The following ZNF235 variants were observed in gnomAD, a reference collection of about 807,000 sequenced individuals.
ZNF235 encodes the protein zfp-93.
A neutral mutation model predicts 29.4 loss-of-function variants in ZNF235; 25 were observed. That is an observed-to-expected ratio of 0.85 (90% confidence interval 0.62 to 1.19). The LOEUF is 1.19. Among genes scored for constraint, ZNF235 ranks in the 50% most tolerant of loss-of-function variants. The pLI is 0.00. For synonymous variants in ZNF235, 300 were observed against 295.3 expected, an observed-to-expected ratio of 1.02 and a Z score of -0.16; for missense variants, 788 against 885.0, an observed-to-expected ratio of 0.89 and a Z score of 1.39.
intron 1 of ZNF235, among the ~76,000 whole-genome samples, chr19:44,304,421 A>G (rs1392130250): frequency 6.6e-6 from 1 of 152,180 alleles, no homozygotes; most frequent in African/African-American, 2.4e-5. Context: ...AGAGGCTAGA[A>G]AAGTCCAAGA....
At chr19:44,293,595 A>G (rs1384275799) in intron 4 of ZNF235, among the ~76,000 whole-genome samples, 2 of 152,116 alleles carry the variant, frequency 1.3e-5, no homozygotes, top group African/African-American at 4.8e-5. Context: ...TTTACAGAAC[A>G]TTCTATCCAA....
chr19:44,299,807 G>A (rs748351014), intron 2 of ZNF235, 75 bp from the exon 3 acceptor site: 12 of 1,606,642 alleles, frequency 7.5e-6, no homozygotes, highest in Non-Finnish European at 1.0e-5. Flanking sequence ...TTTCTGTAGA[G>A]TTACTATTCT....
rs1470991593 is a variant in ZNF235 at position 44,286,670 on chromosome 19, T to C, written c.*548A>G. 3 of 152,344 alleles carry C rather than the reference T, an allele frequency of 2.0e-5. No homozygotes were observed. Among genetic ancestry groups the C allele is most frequent in the African/African-American group, 4.8e-5 (2 of 41,460 alleles). 9.4% of individuals were successfully genotyped at this position (152,344 alleles called of 1,614,324 possible). Reference sequence around the variant, plus strand: ...AACGTTATTAAGGCTACTTGCAGGATTCCTTTTGAATATAAATTAATATAA... The same window carrying C: ...AACGTTATTAAGGCTACTTGCAGGACTCCTTTTGAATATAAATTAATATAA... On this transcript the variant is annotated 3_prime_UTR_variant, in exon 5 of 5. Coordinates refer to ENST00000291182, the MANE Select transcript of ZNF235 (RefSeq NM_004234.4).
chr19:44,301,924 G>A (rs1304678077), intron 2 of ZNF235, among the ~76,000 whole-genome samples: 3 of 152,108 alleles, frequency 2.0e-5, no homozygotes, highest in South Asian at 4.1e-4. Context: ...GCTGTTCCAT[G>A]GTGCAAATTC....
intron 4 of ZNF235, among the ~76,000 whole-genome samples, chr19:44,298,491 G>C (rs535901145): frequency 1.1e-4 from 16 of 152,004 alleles, no homozygotes; most frequent in African/African-American, 3.9e-4. Flanking sequence ...CGCCTCCCAG[G>C]TTCAAGCAAT....
In ZNF235 at chr19:44,299,678, G is replaced by C; in HGVS notation, c.70C>G (p.Leu24Val). The C allele has an allele frequency of 6.2e-7, 1 of 1,614,148 alleles. No homozygotes were observed. The highest frequency in any genetic ancestry group is 1.1e-5 in the South Asian group (1 of 91,072). The change falls in exon 3 of 5, where the codon CTG becomes GTG. Residue 24 changes from leucine (L) to valine (V), a missense_variant. Coordinates refer to ENST00000291182, the MANE Select transcript of ZNF235 (RefSeq NM_004234.4). Reference sequence around the variant, plus strand: ...AGCTTCCTCTGGGCAGAGTCCAGCAGCCCCAGCTCCTCCTCAGTGAAGGCC... The same window carrying C: ...AGCTTCCTCTGGGCAGAGTCCAGCACCCCCAGCTCCTCCTCAGTGAAGGCC... ...AVAFTEEELG[L>V]LDSAQRKLYR...
Position 44,287,010 on chromosome 19 carries a change from A to G in ZNF235, c.*208T>C, listed in dbSNP as rs567451549. On this transcript the variant is annotated 3_prime_UTR_variant, in exon 5 of 5. Transcript: ENST00000291182. ...TAAACACTGATCATATTTACAGAACAAAGTTTTCTCGCATCTGTGAAATAT... is the reference window on the plus strand; with the variant it reads ...TAAACACTGATCATATTTACAGAACGAAGTTTTCTCGCATCTGTGAAATAT... 7 of 537,266 alleles carry G rather than the reference A, an allele frequency of 1.3e-5. No homozygotes were observed. The African/African-American group carries it at 1.3e-4, about 10-fold the overall frequency. 33.3% of individuals were successfully genotyped at this position (537,266 alleles called of 1,614,324 possible).
In ZNF235 at chr19:44,293,325, T is replaced by TA. The variant is rs1032132770; in HGVS notation, c.239-4130dup. ...AAAAAAGACTTTAAATCAACAGCAGTAAAAAAAGACAAAGTCATTACATAA... is the reference window on the plus strand; with the variant it reads ...AAAAAAGACTTTAAATCAACAGCAGTAAAAAAAAGACAAAGTCATTACATAA... On this transcript the variant is annotated intron_variant, in intron 4 of 4. Coordinates refer to ENST00000291182, the MANE Select transcript of ZNF235 (RefSeq NM_004234.4). Among the ~76,000 whole-genome samples the TA allele has an allele frequency of 4.0e-5, 6 of 151,524 alleles. No individual in the cohort carries two copies. The South Asian group carries it at 6.2e-4, about 16-fold the overall frequency.
chr19:44,288,307 T>G lies in ZNF235; in HGVS notation c.1128A>C (p.Arg376Ser). 1.2e-6 allele frequency: 2 copies of G among 1,614,082 alleles called. No homozygotes were observed. Among genetic ancestry groups the G allele is most frequent in the Non-Finnish European group, 1.7e-6 (2 of 1,180,010 alleles). The change falls in exon 5 of 5, where the codon AGA becomes AGC. Residue 376 changes from arginine (R) to serine (S), a missense_variant. By Grantham distance (110) the Arg-to-Ser change is moderately radical. Coordinates refer to ENST00000291182, the MANE Select transcript of ZNF235 (RefSeq NM_004234.4). The part of the protein sequence containing the change: ...LPIHTGEKPY[R>S]CDSCGKGFSR... ...TGAAGCCCTTCCCACAACTGTCACA[T>G]CTATAGGGCTTCTCTCCTGTGTGAA... is the stretch of plus-strand genomic sequence containing the variant.
chr19:44,287,860 A>C lies in ZNF235; in HGVS notation c.1575T>G (p.Ser525Arg), dbSNP rs1975513816. Residue 525 changes from serine to arginine, a missense_variant, in exon 5 of 5, where the codon AGT (serine) becomes AGG (arginine). Coordinates refer to ENST00000291182, the MANE Select transcript of ZNF235 (RefSeq NM_004234.4). ...GATGTGCTTGAAAGTATGAACTCTGACTGAAGCCTTTCCCACACACGTTGC... is the reference window on the plus strand; with the variant it reads ...GATGTGCTTGAAAGTATGAACTCTGCCTGAAGCCTTTCCCACACACGTTGC... ...FRCNVCGKGF[S>R]QSSYFQAHQR... The C allele has an allele frequency of 6.2e-7, 1 of 1,613,700 alleles. No individual in the cohort carries two copies. Among genetic ancestry groups the C allele is most frequent in the Non-Finnish European group, 8.5e-7 (1 of 1,179,976 alleles).
intron 4 of ZNF235, among the ~76,000 whole-genome samples, chr19:44,298,318 C>G (rs138138214): frequency 3.7e-3 from 561 of 152,014 alleles, no homozygotes; most frequent in Non-Finnish European, 5.6e-3. Flanking sequence ...TCCTTAAATA[C>G]ACTGGATTTT....
At position 44,287,048 on chromosome 19, in the gene ZNF235, G is replaced by C; in HGVS notation, c.*170C>G. On this transcript the variant is annotated 3_prime_UTR_variant, in exon 5 of 5. Coordinates refer to ENST00000291182, the MANE Select transcript of ZNF235 (RefSeq NM_004234.4). ...ATCTGTGAAATATGACGTTTGTAAA[G>C]AATTCATGTCCTAACCAAGTCTAAA... 1 of 641,870 alleles carries C rather than the reference G, an allele frequency of 1.6e-6. No homozygotes were observed. Among genetic ancestry groups the C allele is most frequent in the Non-Finnish European group, 2.5e-6 (1 of 398,572 alleles). 39.8% of individuals were successfully genotyped at this position (641,870 alleles called of 1,614,324 possible). A position where few individuals can be genotyped will look rare whatever the true frequency, so the allele number is the denominator to read the frequency against.
Position 44,299,708 on chromosome 19 carries a change from C to G in ZNF235, c.40G>C (p.Ala14Pro). 6.2e-7 allele frequency: 1 copy of G among 1,614,086 alleles called. No homozygotes were observed. Among genetic ancestry groups the G allele is most frequent in the Non-Finnish European group, 8.5e-7 (1 of 1,179,968 alleles). The change falls in exon 3 of 5, where the codon GCT becomes CCT. Residue 14 changes from alanine (A) to proline (P), a missense_variant. Ala to Pro is a conservative substitution (Grantham distance 27). Coordinates refer to ENST00000291182, the MANE Select transcript of ZNF235 (RefSeq NM_004234.4). ...AGCTCCTCCTCAGTGAAGGCCACAG[C>G]CACATCCTTGAATGTCACTGCCTCC... Reference protein sequence around the residue: ...FQEAVTFKDVAVAFTEEELGL... With the variant: ...FQEAVTFKDVPVAFTEEELGL...
In ZNF235 at chr19:44,288,300, T is replaced by C. The variant is rs142022842; in HGVS notation, c.1135A>G (p.Ser379Gly). 2.6e-5 allele frequency: 42 copies of C among 1,613,972 alleles called. No homozygotes were observed. In the African/African-American group the frequency reaches 4.1e-4, roughly 16 times the overall value. Residue 379 changes from serine to glycine, a missense_variant, in exon 5 of 5, where the codon AGT (serine) becomes GGT (glycine). Ser to Gly is a moderately conservative substitution (Grantham distance 56). Coordinates refer to ENST00000291182, the MANE Select transcript of ZNF235 (RefSeq NM_004234.4). The stretch of plus-strand genomic sequence containing the variant: ...CTACGACTGAAGCCCTTCCCACAAC[T>C]GTCACATCTATAGGGCTTCTCTCCT... ...HTGEKPYRCD[S>G]CGKGFSRSTD...
At chr19:44,292,073 G>T (rs1483762561) in intron 4 of ZNF235, among the ~76,000 whole-genome samples, 1 of 152,046 alleles carries the variant, frequency 6.6e-6, no homozygotes, top group Non-Finnish European at 1.5e-5. Context: ...ATTATCTCAA[G>T]AATGCAAGGC....
At position 44,288,171 on chromosome 19, in the gene ZNF235, C is replaced by T. The variant is rs1196117920; in HGVS notation, c.1264G>A (p.Glu422Lys). 1 of 1,613,690 alleles carries T rather than the reference C, an allele frequency of 6.2e-7. No individual in the cohort carries two copies. Residue 422 changes from glutamate to lysine, a missense_variant, in exon 5 of 5, where the codon GAA (glutamate) becomes AAA (lysine). By Grantham distance (56) the Glu-to-Lys change is moderately conservative. Coordinates refer to ENST00000291182, the MANE Select transcript of ZNF235 (RefSeq NM_004234.4). ...GGTTTCTCTCCAGTGTGAATTCTTT[C>T]ATGGGCCTGAAGATGTGATCTCTGA... Reference protein sequence around the residue: ...FTQRSHLQAHERIHTGEKPYK... With the variant: ...FTQRSHLQAHKRIHTGEKPYK...
In ZNF235 at chr19:44,288,867, C is replaced by T. The variant is rs1975542806; in HGVS notation, c.568G>A (p.Glu190Lys). 6.2e-7 allele frequency: 1 copy of T among 1,613,858 alleles called. No homozygotes were observed. The highest frequency in any genetic ancestry group is 1.7e-5 in the Admixed American group (1 of 59,990). Residue 190 changes from glutamate to lysine, a missense_variant, in exon 5 of 5, where the codon GAG (glutamate) becomes AAG (lysine). Glu to Lys is a moderately conservative substitution (Grantham distance 56, BLOSUM62 1). Coordinates refer to ENST00000291182, the MANE Select transcript of ZNF235 (RefSeq NM_004234.4). The stretch of plus-strand genomic sequence containing the variant: ...CAACTTCTCTGATAATTCTGTGTCT[C>T]ATTCAGATATATTTTACTCCAAGAA... Reference protein sequence around the residue: ...PNSWSKIYLNETQNYQRSCKQ... With the variant: ...PNSWSKIYLNKTQNYQRSCKQ...
At chr19:44,301,241 G>A (rs1212703574) in intron 2 of ZNF235, among the ~76,000 whole-genome samples, 5 of 152,068 alleles carry the variant, frequency 3.3e-5, no homozygotes, top group African/African-American at 4.8e-5. Flanking sequence ...GTGTTTTTCT[G>A]TATGGAAATT....
rs572425218 is a variant in ZNF235, at chr19:44,297,471, C to CT, written c.238+1336dup. The CT allele has an allele frequency of 5.6e-3, 855 of 151,596 alleles. 4 individuals are homozygous for CT. Among genetic ancestry groups the CT allele is most frequent in the Middle Eastern group, 0.024 (7 of 294 alleles). The allele number at this position is 151,596 out of a possible 1,614,324, so 9.4% of individuals were successfully genotyped here. On this transcript the variant is annotated intron_variant, in intron 4 of 4. Transcript: ENST00000291182. ...TACTGACAGAAGAAAGGAATCTAAC[C>CT]TTTTTTTTTGAGACAGAGTTTCGCT...
Sources: gnomAD v4.1 joint callset for allele counts (sites outside exome capture counted in the v4.1 genomes callset) on GRCh38, gnomAD v4.1.1 for gene constraint, MANE v1.5 for transcripts, NCBI Gene and HGNC (gene_info 2026-07-23, HGNC 2026-07-21) for gene names.